The following PROCR variants were observed in gnomAD, a reference collection of about 807,000 sequenced individuals.
PROCR encodes the protein endothelial protein C receptor.
In PROCR, 22 loss-of-function variants were observed where a neutral mutation model predicts 24.2. The ratio of observed to expected loss-of-function variants is 0.91; its 90% CI spans 0.65 to 1.30. PROCR has a LOEUF of 1.30. Among genes scored for constraint, PROCR ranks in the 50% most tolerant of loss-of-function variants. The pLI is 0.00. For synonymous variants in PROCR, 137 were observed against 139.2 expected, an observed-to-expected ratio of 0.98 and a Z score of 0.11; for missense variants, 288 against 307.7, an observed-to-expected ratio of 0.94 and a Z score of 0.48.
In PROCR at chr20:35,176,942, C is replaced by T; in HGVS notation, c.*129C>T. 3.3e-6 allele frequency: 5 copies of T among 1,521,442 alleles called. No individual in the cohort carries two copies. Among genetic ancestry groups the T allele is most frequent in the Non-Finnish European group, 4.4e-6 (5 of 1,133,062 alleles). The allele number at this position is 1,521,442 out of a possible 1,614,324, so 94.2% of individuals were successfully genotyped here. A position where few individuals can be genotyped will look rare whatever the true frequency, so the allele number is the denominator to read the frequency against. On this transcript the variant is annotated 3_prime_UTR_variant, in exon 4 of 4. Coordinates refer to ENST00000216968, the MANE Select transcript of PROCR (RefSeq NM_006404.5). ...TTGGAGTGACAGCTCCTTTCTTCTCCCACATCTGCCCACTGAAGATTTGAG... is the reference window on the plus strand; with the variant it reads ...TTGGAGTGACAGCTCCTTTCTTCTCTCACATCTGCCCACTGAAGATTTGAG...
At chr20:35,212,614 A>G (rs1398271615) in intron 1 of PROCR, among the ~76,000 whole-genome samples, 1 of 152,202 alleles carries the variant, frequency 6.6e-6, no homozygotes, top group Non-Finnish European at 1.5e-5. Flanking sequence ...ACTTCTTCCC[A>G]GTGTATTCCT....
chr20:35,204,828 C>T (rs1184977468), intron 1 of PROCR, among the ~76,000 whole-genome samples: 2 of 152,210 alleles, frequency 1.3e-5, no homozygotes, highest in African/African-American at 4.8e-5. Context: ...AACAAGAAAA[C>T]TATAGAACAA....
rs767198659 is a variant in PROCR at position 35,176,725 on chromosome 20, C to G, written c.629C>G (p.Ser210Trp). Reference protein sequence around the residue: ...KGSQTSRSYTSLVLGVLVGSF... With the variant: ...KGSQTSRSYTWLVLGVLVGSF... ...AGCCAAACAAGCCGCTCCTACACTT[C>G]GCTGGTCCTGGGCGTCCTGGTGGGC... Residue 210 changes from serine (S) to tryptophan (W), a missense_variant, in exon 4 of 4, where the codon TCG (serine) becomes TGG (tryptophan). Transcript: ENST00000216968. 6.2e-7 allele frequency: 1 copy of G among 1,613,018 alleles called. No individual in the cohort carries two copies. Among genetic ancestry groups the G allele is most frequent in the Non-Finnish European group, 8.5e-7 (1 of 1,179,644 alleles).
rs68132775 is a variant in PROCR, at chr20:35,196,180, C to CAAA, written c.95-19688_95-19686dup. On this transcript the variant is annotated intron_variant, in intron 1 of 1. Coordinates refer to the PROCR transcript ENST00000634509. ...CTGGGCAACAGAGTGAGACTGCCTCCAAAAAAAAAAAAAAAAAAAAAAAAA... is the reference window on the plus strand; with the variant it reads ...CTGGGCAACAGAGTGAGACTGCCTCCAAAAAAAAAAAAAAAAAAAAAAAAAAAA... Among the ~76,000 whole-genome samples the CAAA allele has an allele frequency of 5.4e-4, 34 of 63,474 alleles. 1 individual carries two copies. The highest frequency in any genetic ancestry group is 2.0e-3 in the African/African-American group (31 of 15,382). The allele number at this position is 63,474 out of a possible 152,430, so 41.6% of individuals were successfully genotyped here.
chr20:35,194,105 C>T (rs944349666), intron 1 of PROCR, among the ~76,000 whole-genome samples: 7 of 152,150 alleles, frequency 4.6e-5, no homozygotes, highest in African/African-American at 1.7e-4. Flanking sequence ...AAGGACTGAT[C>T]ATCGGTTATT....
At chr20:35,172,802 T>C (rs1568589484) in intron 1 of PROCR, among the ~76,000 whole-genome samples, 1 of 152,068 alleles carries the variant, frequency 6.6e-6, no homozygotes, top group Non-Finnish European at 1.5e-5. Flanking sequence ...AGGGAGTTAT[T>C]ACCCTCCATT....
At chr20:35,212,642 T>C (rs910565317) in intron 1 of PROCR, among the ~76,000 whole-genome samples, 4 of 152,242 alleles carry the variant, frequency 2.6e-5, no homozygotes, top group African/African-American at 9.6e-5. Flanking sequence ...GATGTAGCAA[T>C]TTCCCCAACT....
At chr20:35,198,120 TA>T (rs71198705) in intron 1 of PROCR, among the ~76,000 whole-genome samples, 18,861 of 147,472 alleles carry the variant, frequency 0.13, 1,306 homozygotes, top group Middle Eastern at 0.23. Context: ...CCATCTCTAC[TA>T]AAAAAAAAAA....
At chr20:35,193,368 G>C (rs2086190298) in intron 1 of PROCR, among the ~76,000 whole-genome samples, 1 of 152,130 alleles carries the variant, frequency 6.6e-6, no homozygotes, top group African/African-American at 2.4e-5. Context: ...TAGAGACGGG[G>C]TTTCACTGTG....
Position 35,174,724 on chromosome 20 carries a change from C to T in PROCR, c.93C>T (p.Leu31=). The change falls in exon 2 of 4, where the codon CTC becomes CTT. Residue 31 remains leucine (L), a synonymous_variant. Transcript: ENST00000216968. ...ASDGLQRLHM[L]QISYFRDPYH... ...CAGGCCTCCAAAGACTTCATATGCTCCAGATCTCCTACTTCCGCGACCCCT... is the reference window on the plus strand; with the variant it reads ...CAGGCCTCCAAAGACTTCATATGCTTCAGATCTCCTACTTCCGCGACCCCT... 1 of 1,614,100 alleles carries T rather than the reference C, an allele frequency of 6.2e-7. No individual in the cohort carries two copies. The highest frequency in any genetic ancestry group is 1.3e-5 in the African/African-American group (1 of 75,014).
intron 1 of PROCR, among the ~76,000 whole-genome samples, chr20:35,209,386 G>A (rs991701612): frequency 1.3e-5 from 2 of 152,206 alleles, no homozygotes; most frequent in Middle Eastern, 3.5e-3. Context: ...TTTGCAGTTC[G>A]GGAATCCCAC....
At chr20:35,191,453 C>T (rs145835658) in intron 1 of PROCR, among the ~76,000 whole-genome samples, 64 of 149,508 alleles carry the variant, frequency 4.3e-4, no homozygotes, top group African/African-American at 1.6e-3. Context: ...AGGGACAGAC[C>T]CTAAACAAAT....
At chr20:35,181,799 T>C (rs1183577840), downstream of PROCR, among the ~76,000 whole-genome samples, 1 of 152,178 alleles carries the variant, frequency 6.6e-6, no homozygotes, top group Non-Finnish European at 1.5e-5. Context: ...CAGAAACCAA[T>C]TCTGCCAACT....
intron 1 of PROCR, among the ~76,000 whole-genome samples, chr20:35,185,214 TA>T (rs1360524816): frequency 2.6e-5 from 4 of 152,126 alleles, no homozygotes; most frequent in Admixed American, 2.6e-4. Context: ...AGAATGGCCA[TA>T]ATCAAATAAT....
At chr20:35,178,090 A>G (rs1318779422), downstream of PROCR, among the ~76,000 whole-genome samples, 3 of 151,984 alleles carry the variant, frequency 2.0e-5, no homozygotes, top group Admixed American at 1.3e-4. Context: ...GAGAAGCAAT[A>G]TAATTTTATC....
chr20:35,176,647 T>C, intron 3 of PROCR, 51 bp from the exon 4 acceptor site: 3 of 1,574,082 alleles, frequency 1.9e-6, no homozygotes, highest in Admixed American at 1.9e-5. Flanking sequence ...ACTCAAATCA[T>C]GGACTCCTTG....
chr20:35,177,005 G>C lies in PROCR; in HGVS notation c.*192G>C. 1.4e-6 allele frequency: 2 copies of C among 1,430,754 alleles called. No homozygotes were observed. Among genetic ancestry groups the C allele is most frequent in the Non-Finnish European group, 9.2e-7 (1 of 1,091,994 alleles). 88.6% of individuals were successfully genotyped at this position (1,430,754 alleles called of 1,614,324 possible). ...GAGAGGAGAGGTGGACAAAGTACTTGGTTTGCTAAGAACCTAAGAACGTGT... is the reference window on the plus strand; with the variant it reads ...GAGAGGAGAGGTGGACAAAGTACTTCGTTTGCTAAGAACCTAAGAACGTGT... On this transcript the variant is annotated 3_prime_UTR_variant, in exon 4 of 4. Transcript: ENST00000216968.
At position 35,176,909 on chromosome 20, in the gene PROCR, C is replaced by T. The variant is rs946796455; in HGVS notation, c.*96C>T. On this transcript the variant is annotated 3_prime_UTR_variant, in exon 4 of 4. Coordinates refer to ENST00000216968, the MANE Select transcript of PROCR (RefSeq NM_006404.5). ...AAGCCAGACTCCCCAACTGAAACAC[C>T]AGAAGGTTTGGAGTGACAGCTCCTT... 6 of 1,549,496 alleles carry T rather than the reference C, an allele frequency of 3.9e-6. No homozygotes were observed. The Admixed American group carries it at 7.8e-5, about 20-fold the overall frequency.
intron 1 of PROCR, among the ~76,000 whole-genome samples, chr20:35,203,732 T>C (rs1483927560): frequency 6.6e-6 from 1 of 152,064 alleles, no homozygotes; most frequent in Non-Finnish European, 1.5e-5. Flanking sequence ...CAGAAAATAT[T>C]TGAACTGACT....
Sources: allele counts gnomAD v4.1 joint callset (sites outside exome capture counted in the v4.1 genomes callset), GRCh38; gene constraint gnomAD v4.1.1; transcripts MANE v1.5; gene names NCBI Gene and HGNC (gene_info 2026-07-23, HGNC 2026-07-21).